PARG: variants seen among roughly 807,000 people sequenced by gnomAD.
PARG encodes the protein poly(ADP-ribose) glycohydrolase.
In PARG, 35 loss-of-function variants were observed where a neutral mutation model predicts 113.0. The ratio of observed to expected loss-of-function variants is 0.31; its 90% CI spans 0.24 to 0.41. PARG has a LOEUF of 0.41. Ranked by LOEUF, PARG falls within the 10% of genes least tolerant of loss-of-function variation. PARG has a pLI of 1.00. For synonymous variants in PARG, 330 were observed against 409.9 expected, an observed-to-expected ratio of 0.81 and a Z score of 2.36; for missense variants, 797 against 1,169.4, an observed-to-expected ratio of 0.68 and a Z score of 4.64.
chr10:49,820,203 C>T lies in PARG; in HGVS notation c.2738G>A (p.Ser913Asn). 1.9e-6 allele frequency: 3 copies of T among 1,546,316 alleles called. No individual in the cohort carries two copies. The highest frequency in any genetic ancestry group is 2.4e-5 in the South Asian group (2 of 83,928). Residue 913 changes from serine to asparagine, a missense_variant, in exon 17 of 18, where the codon AGC becomes AAC. Physicochemically the swap from Ser to Asn is conservative, Grantham distance 46. Around this residue, in one of 5 missense-constraint regions of PARG, gnomAD observed 194 missense variants for 247.1 expected, o/e 0.79. Transcript: ENST00000616448. ...CCTTTCAGTAAGGAAAATGTGCATGCTGTAAATGTCTCTCATCAATTCTGA... is the reference window on the plus strand; with the variant it reads ...CCTTTCAGTAAGGAAAATGTGCATGTTGTAAATGTCTCTCATCAATTCTGA... ...GDSELMRDIY[S>N]MHIFLTERKL...
intron 13 of PARG, among the ~76,000 whole-genome samples, chr10:49,854,251 T>C (rs1554834657): frequency 6.6e-6 from 1 of 150,878 alleles, no homozygotes; most frequent in African/African-American, 2.4e-5. Context: ...ACTGTCATTA[T>C]TTGACCTGTC....
At chr10:49,862,841 T>C (rs1173402202) in intron 11 of PARG, among the ~76,000 whole-genome samples, 1 of 151,844 alleles carries the variant, frequency 6.6e-6, no homozygotes, top group Non-Finnish European at 1.5e-5. Flanking sequence ...TTTTTTTAAC[T>C]TCCTTTTTTT....
intron 1 of PARG, among the ~76,000 whole-genome samples, chr10:49,936,120 G>A (rs1188873223): frequency 6.6e-6 from 1 of 152,050 alleles, no homozygotes; most frequent in Admixed American, 6.5e-5. Flanking sequence ...GGCATGAGGG[G>A]AGCTGGAATC....
chr10:49,882,761 T>C (rs1847277554), intron 8 of PARG, among the ~76,000 whole-genome samples: 1 of 141,216 alleles, frequency 7.1e-6, no homozygotes, highest in South Asian at 2.5e-4. Context: ...TTAAGCACCA[T>C]GCAAACCAGG....
At position 49,922,675 on chromosome 10, in the gene PARG, A is replaced by G. The variant is rs1837948524; in HGVS notation, c.1456-6T>C. 3.9e-6 allele frequency: 6 copies of G among 1,544,008 alleles called. No individual in the cohort carries two copies. The highest frequency in any genetic ancestry group is 5.3e-6 in the Non-Finnish European group (6 of 1,136,314). Reference sequence around the variant, plus strand: ...CCTGCTCGCAAAAGATCTACCTGAAATTGAGGGTAAACAAAATTGTCAGTG... The same window carrying G: ...CCTGCTCGCAAAAGATCTACCTGAAGTTGAGGGTAAACAAAATTGTCAGTG... On this transcript the variant is annotated splice_region_variant and splice_polypyrimidine_tract_variant and intron_variant, in intron 4 of 17. Coordinates refer to ENST00000616448, the MANE Select transcript of PARG (RefSeq NM_003631.5).
Position 49,818,372 on chromosome 10 carries a change from T to C in PARG, c.*968A>G, listed in dbSNP as rs1843899319. 2 of 152,584 alleles carry C rather than the reference T, an allele frequency of 1.3e-5. No individual in the cohort carries two copies. The highest frequency in any genetic ancestry group is 6.6e-5 in the Admixed American group (1 of 15,266). 9.5% of individuals were successfully genotyped at this position (152,584 alleles called of 1,614,324 possible). On this transcript the variant is annotated 3_prime_UTR_variant, in exon 18 of 18. Coordinates refer to ENST00000616448, the MANE Select transcript of PARG (RefSeq NM_003631.5). ...CGTTTATATATACATATATAAAATA[T>C]AGATGATATGGGAGTTTCTGACAAA... is the stretch of plus-strand genomic sequence containing the variant.
intron 15 of PARG, among the ~76,000 whole-genome samples, chr10:49,839,756 A>G (rs1845132944): frequency 6.6e-6 from 1 of 152,250 alleles, no homozygotes; most frequent in African/African-American, 2.4e-5. Flanking sequence ...TTCTCATAGA[A>G]AAGTATATGT....
chr10:49,938,881 T>C (rs1317005180), intron 1 of PARG, among the ~76,000 whole-genome samples: 7 of 152,272 alleles, frequency 4.6e-5, no homozygotes, highest in Non-Finnish European at 1.0e-4. Context: ...CCTAAAGGAA[T>C]CCCAAAAATT....
intron 8 of PARG, among the ~76,000 whole-genome samples, chr10:49,881,343 A>T (rs1200945300): frequency 6.6e-6 from 1 of 152,198 alleles, no homozygotes; most frequent in Non-Finnish European, 1.5e-5. Context: ...ATCTCTTCAA[A>T]TATTTTACAG....
intron 9 of PARG, among the ~76,000 whole-genome samples, chr10:49,878,023 G>A (rs1324771710): frequency 2.7e-5 from 4 of 148,362 alleles, no homozygotes; most frequent in African/African-American, 9.7e-5. Flanking sequence ...CACTACCTTC[G>A]CCAACTGATC....
At chr10:49,853,076 C>T (rs1845831043) in intron 13 of PARG, among the ~76,000 whole-genome samples, 2 of 149,880 alleles carry the variant, frequency 1.3e-5, no homozygotes, top group Non-Finnish European at 3.0e-5. Flanking sequence ...CTCTGTTGCC[C>T]AGGCTGGAGC....
At chr10:49,912,594 T>C (rs1156873887) in intron 7 of PARG, among the ~76,000 whole-genome samples, 1 of 151,656 alleles carries the variant, frequency 6.6e-6, no homozygotes, top group South Asian at 2.1e-4. Context: ...ACCCAGGAGG[T>C]GGAGGTTGCA....
chr10:49,939,308 C>T (rs1245737490), intron 1 of PARG, among the ~76,000 whole-genome samples: 117 of 152,306 alleles, frequency 7.7e-4, no homozygotes, highest in Admixed American at 1.8e-3. Context: ...ACTAGTCTCC[C>T]TGTCTACAGC....
chr10:49,841,672 T>C (rs1434832121), intron 15 of PARG, among the ~76,000 whole-genome samples: 2 of 152,222 alleles, frequency 1.3e-5, no homozygotes, highest in East Asian at 3.8e-4. Flanking sequence ...GGTTTTACAT[T>C]GATAATGTCC....
intron 16 of PARG, among the ~76,000 whole-genome samples, chr10:49,824,075 C>T (rs2132354155): frequency 6.6e-6 from 1 of 152,278 alleles, no homozygotes; most frequent in Non-Finnish European, 1.5e-5. Context: ...TTCTCAACTA[C>T]ACCATGGAGT....
intron 4 of PARG, among the ~76,000 whole-genome samples, chr10:49,931,315 G>A (rs1179636120): frequency 6.6e-6 from 1 of 152,092 alleles, no homozygotes; most frequent in Non-Finnish European, 1.5e-5. Context: ...CTGGGGACTA[G>A]ACTGCCACCG....
intron 16 of PARG, among the ~76,000 whole-genome samples, chr10:49,827,250 C>G (rs1288875084): frequency 6.6e-6 from 1 of 152,174 alleles, no homozygotes; most frequent in Non-Finnish European, 1.5e-5. Context: ...CACACAGAAG[C>G]TACTGAATAT....
chr10:49,933,019 G>A (rs1838566358), intron 3 of PARG, among the ~76,000 whole-genome samples, 158 bp downstream of exon 3: 3 of 152,106 alleles, frequency 2.0e-5, no homozygotes, highest in African/African-American at 7.2e-5. Context: ...CCTTTTTAGA[G>A]TTTAAACTTT....
chr10:49,886,636 C>T (rs1443115491), intron 7 of PARG, among the ~76,000 whole-genome samples: 3 of 152,096 alleles, frequency 2.0e-5, no homozygotes, highest in African/African-American at 4.8e-5. Flanking sequence ...AAAGCAATCA[C>T]AGCCCATATA....
Sources: allele counts gnomAD v4.1 joint callset (sites outside exome capture counted in the v4.1 genomes callset), GRCh38; gene constraint gnomAD v4.1.1; regional missense constraint gnomAD v4.1.1; transcripts MANE v1.5; gene names NCBI Gene and HGNC (gene_info 2026-07-23, HGNC 2026-07-21).